Variants in CENPM observed in about 807,000 individuals in gnomAD.
The protein encoded by CENPM is interphase centromere complex protein 39.
A neutral mutation model predicts 19.6 loss-of-function variants in CENPM; 14 were observed. The observed-to-expected ratio is 0.71, with a 90% CI of 0.47 to 1.11. CENPM has a LOEUF of 1.11. Among genes scored for constraint, CENPM ranks in the 50% most tolerant of loss-of-function variants. The pLI, the probability that CENPM is intolerant of heterozygous loss-of-function variation, is 0.00. For synonymous variants in CENPM, 114 were observed against 101.5 expected (o/e 1.12, Z -0.74); for missense variants, 239 against 228.4 (o/e 1.05, Z -0.30).
chr22:41,947,072 G>A lies in CENPM; in HGVS notation c.5C>T (p.Ser2Leu). 1 of 1,612,828 alleles carries A rather than the reference G, an allele frequency of 6.2e-7. No homozygotes were observed. Among genetic ancestry groups the A allele is most frequent in the African/African-American group, 1.3e-5 (1 of 75,040 alleles). Residue 2 changes from serine (S) to leucine (L), a missense_variant, in exon 1 of 6, where the codon TCG becomes TTG. Coordinates refer to ENST00000215980, the MANE Select transcript of CENPM (RefSeq NM_024053.5). M[S>L]VLRPLDKLPG... ...CAGCTTGTCCAGGGGCCTCAACACC[G>A]ACATCACAGCCGCAGGACCAACCGT...
chr22:41,938,295 C>A (rs896974210), downstream of CENPM, among the ~76,000 whole-genome samples: 1 of 151,776 alleles, frequency 6.6e-6, no homozygotes, highest in African/African-American at 2.4e-5. Flanking sequence ...GCCTGCATCA[C>A]CATGCCTGGC....
rs1383928138 is a variant in CENPM, at chr22:41,945,227, C to T, written c.308G>A (p.Gly103Asp). The T allele has an allele frequency of 6.2e-7, 1 of 1,613,960 alleles. No individual in the cohort carries two copies. Among genetic ancestry groups the T allele is most frequent in the Non-Finnish European group, 8.5e-7 (1 of 1,179,996 alleles). ...FLGKVCFLAT[G>D]AGRESHCSIH... ...TAACAGGCGAGGAACGTACTTACCA[C>T]CTGTGGCGAGGAAACACACCTTCCC... is the stretch of plus-strand genomic sequence containing the variant. Residue 103 changes from glycine to aspartate, a missense_variant and splice_region_variant, in exon 4 of 6, where the codon GGT becomes GAT. Transcript: ENST00000215980.
At chr22:41,936,089 C>T (rs1005802911), downstream of CENPM, among the ~76,000 whole-genome samples, 5 of 152,170 alleles carry the variant, frequency 3.3e-5, no homozygotes, top group Admixed American at 6.5e-5. Flanking sequence ...AGGCTGGTCT[C>T]GAACTCCTGA....
the CENPM span, among the ~76,000 whole-genome samples, chr22:41,931,434 C>T: frequency 3.3e-5 from 5 of 151,226 alleles, no homozygotes; most frequent in East Asian, 3.9e-4. Context: ...GAGCTGAGGT[C>T]GTGCCACTGC....
the CENPM span, among the ~76,000 whole-genome samples, chr22:41,931,779 G>A: frequency 6.6e-6 from 1 of 152,194 alleles, no homozygotes; most frequent in Non-Finnish European, 1.5e-5. Flanking sequence ...GCACTCTGGG[G>A]ATGGGACAAG....
At chr22:41,927,433 G>A in the CENPM span, among the ~76,000 whole-genome samples, 4 of 151,634 alleles carry the variant, frequency 2.6e-5, no homozygotes, top group Non-Finnish European at 5.9e-5. Context: ...GTGCTCCCCT[G>A]CCATCTCCCC....
chr22:41,930,826 C>T, the CENPM span, among the ~76,000 whole-genome samples: 8 of 147,710 alleles, frequency 5.4e-5, no homozygotes, highest in Admixed American at 4.0e-4. Context: ...GGCCTAATTT[C>T]TTTATTCAAG....
intron 5 of CENPM, among the ~76,000 whole-genome samples, chr22:41,941,937 T>G (rs2077743071): frequency 2.6e-5 from 4 of 152,188 alleles, no homozygotes; most frequent in African/African-American, 9.7e-5. Flanking sequence ...ACATCCCCAT[T>G]TCTACTGGCG....
the CENPM span, among the ~76,000 whole-genome samples, chr22:41,930,110 A>AAT: frequency 6.8e-6 from 1 of 146,114 alleles, no homozygotes; most frequent in Non-Finnish European, 1.5e-5. Context: ...TGCCCGGCAA[A>AAT]TTTTTTGTAT....
the CENPM span, among the ~76,000 whole-genome samples, chr22:41,927,454 G>C: frequency 6.6e-6 from 1 of 151,450 alleles, no homozygotes; most frequent in East Asian, 1.9e-4. Flanking sequence ...CAACCCACCT[G>C]TCTCCTCCTC....
At chr22:41,944,146 T>G in intron 4 of CENPM, 1 of 984,826 alleles carries the variant, frequency 1.0e-6, no homozygotes, top group Non-Finnish European at 1.2e-6. Flanking sequence ...AAGCCTAGAG[T>G]AAACAAAAAG....
At chr22:41,935,355 G>GCA (rs149954051), downstream of CENPM, among the ~76,000 whole-genome samples, 1 of 152,162 alleles carries the variant, frequency 6.6e-6, no homozygotes, top group Non-Finnish European at 1.5e-5. Flanking sequence ...CAGGCAGGCT[G>GCA]CATCCACACC....
chr22:41,943,448 A>C (rs1288284139), intron 5 of CENPM, among the ~76,000 whole-genome samples, 162 bp downstream of exon 5: 2 of 152,214 alleles, frequency 1.3e-5, no homozygotes, highest in African/African-American at 4.8e-5. Flanking sequence ...CAGTGAGTAG[A>C]AAAGCCACTC....
At chr22:41,946,948 C>T in intron 1 of CENPM, 72 bp downstream of exon 1, 1 of 1,489,844 alleles carries the variant, frequency 6.7e-7, no homozygotes, top group African/African-American at 1.4e-5. Context: ...TCAGAGAGCT[C>T]AGTTGACCTA....
At chr22:41,946,606 C>G in intron 1 of CENPM, 110 bp from the exon 2 acceptor site, 2 of 875,914 alleles carry the variant, frequency 2.3e-6, no homozygotes, top group South Asian at 1.6e-5. Context: ...CAGCAGGCGG[C>G]TCGGAGGACA....
At chr22:41,945,039 G>A in intron 4 of CENPM, 186 bp downstream of exon 4, 1 of 1,441,594 alleles carries the variant, frequency 6.9e-7, no homozygotes, top group Non-Finnish European at 9.2e-7. Context: ...CAGGTATTAA[G>A]CCTAGTACCC....
rs902908241 is a variant in CENPM, at chr22:41,938,804, G to A, written c.*252C>T. 21 of 440,638 alleles carry A rather than the reference G, an allele frequency of 4.8e-5. No individual in the cohort carries two copies. Among genetic ancestry groups the A allele is most frequent in the Middle Eastern group, 1.2e-3 (2 of 1,724 alleles). 27.3% of individuals were successfully genotyped at this position (440,638 alleles called of 1,614,324 possible). On this transcript the variant is annotated 3_prime_UTR_variant, in exon 6 of 6. Transcript: ENST00000215980. ...GAAACCTTAAATGGAGATGTAACAC[G>A]CCAGCTGCTTAAAGACACAGGCTCT...
At chr22:41,929,081 A>G in the CENPM span, among the ~76,000 whole-genome samples, 1 of 102,120 alleles carries the variant, frequency 9.8e-6, no homozygotes, top group African/African-American at 3.8e-5. Flanking sequence ...GGCTGGGGGC[A>G]GGTGTGGGTG....
At chr22:41,937,363 T>A (rs2146598480), downstream of CENPM, among the ~76,000 whole-genome samples, 1 of 152,312 alleles carries the variant, frequency 6.6e-6, no homozygotes, top group South Asian at 2.1e-4. Flanking sequence ...TGGTACGATC[T>A]CAGCTCACTG....
Sources: gnomAD v4.1 joint callset for allele counts (sites outside exome capture counted in the v4.1 genomes callset) on GRCh38, gnomAD v4.1.1 for gene constraint, MANE v1.5 for transcripts, NCBI Gene and HGNC (gene_info 2026-07-23, HGNC 2026-07-21) for gene names.